Variants in ZCCHC8 observed in about 807,000 individuals in gnomAD.
The protein encoded by ZCCHC8 is zinc finger CCHC domain-containing protein 8.
ZCCHC8 carries 27 observed loss-of-function variants against 70.6 expected under a neutral mutation model. The observed-to-expected ratio is 0.38, with a 90% CI of 0.28 to 0.53. ZCCHC8 has a LOEUF of 0.53. ZCCHC8 is among the 20% of genes least tolerant of loss of function. The probability of loss-of-function intolerance (pLI) is 0.81; values close to 1 mark genes in which losing one functional copy is unlikely to be tolerated. For synonymous variants in ZCCHC8, 293 were observed against 317.4 expected, an observed-to-expected ratio of 0.92 and a Z score of 0.82; for missense variants, 737 against 876.9, an observed-to-expected ratio of 0.84 and a Z score of 2.01.
chr12:122,480,245 G>C lies in ZCCHC8; in HGVS notation c.1085C>G (p.Ser362Ter), dbSNP rs760885960. The C allele has an allele frequency of 1.2e-6, 2 of 1,605,460 alleles. No individual in the cohort carries two copies. The highest frequency in any genetic ancestry group is 8.5e-7 in the Non-Finnish European group (1 of 1,174,952). Reference sequence around the variant, plus strand: ...AAAACCAGGATAGTTGACCAATTTTGAGAGATCGTAAGTGACACTTTTATT... The same window carrying C: ...AAAACCAGGATAGTTGACCAATTTTCAGAGATCGTAAGTGACACTTTTATT... ...QQNKSVTYDL[S>*]KLVNYPGFNI... The change falls in exon 11 of 14, where the codon TCA becomes TGA. Residue 362 changes from serine to a stop codon, truncating the protein, a stop_gained. Coordinates refer to ENST00000633063, the MANE Select transcript of ZCCHC8 (RefSeq NM_017612.5). LOFTEE classifies it high-confidence loss of function.
chr12:122,495,577 C>T (rs1203702774), intron 2 of ZCCHC8, among the ~76,000 whole-genome samples: 8 of 151,878 alleles, frequency 5.3e-5, no homozygotes, highest in African/African-American at 1.9e-4. Context: ...GGCCTGGGCA[C>T]GATGGCTCAT....
At chr12:122,494,350 G>A (rs888393409) in intron 2 of ZCCHC8, among the ~76,000 whole-genome samples, 4 of 151,066 alleles carry the variant, frequency 2.6e-5, no homozygotes, top group Non-Finnish European at 5.9e-5. Flanking sequence ...TCAGGAGTTC[G>A]AGACCAGCCT....
At chr12:122,499,082 T>C (rs1957874861) in intron 1 of ZCCHC8, 3 of 570,426 alleles carry the variant, frequency 5.3e-6, no homozygotes, top group Non-Finnish European at 9.3e-6. Context: ...TTCGAACATA[T>C]ATTCTAAGAC....
In ZCCHC8 at chr12:122,500,769, C is replaced by T. The variant is rs780275678; in HGVS notation, c.72G>A (p.Pro24=). 7 of 1,590,612 alleles carry T rather than the reference C, an allele frequency of 4.4e-6. No homozygotes were observed. Among genetic ancestry groups the T allele is most frequent in the Non-Finnish European group, 6.0e-6 (7 of 1,168,946 alleles). Residue 24 remains proline (P), a synonymous_variant, in exon 1 of 14, where the codon CCG becomes CCA. Transcript: ENST00000633063. The surrounding 1 kb of genome is among the most constrained non-coding windows in gnomAD (Gnocchi z 4.8). ...EPFDHPEESI[P]KPVHTRFKDD... ...CCTTGAAGCGAGTGTGAACGGGCTT[C>T]GGAATCGACTCCTCTGGGTGGTCGA...
chr12:122,485,868 G>A (rs973466748), intron 5 of ZCCHC8, among the ~76,000 whole-genome samples: 5 of 151,810 alleles, frequency 3.3e-5, no homozygotes, highest in Admixed American at 1.3e-4. Flanking sequence ...ACTGGCACTC[G>A]GGCCAAAAAC....
rs1957725353 is a variant in ZCCHC8 at position 122,490,469 on chromosome 12, A to G, written c.416T>C (p.Leu139Ser). 6.2e-7 allele frequency: 1 copy of G among 1,611,628 alleles called. No homozygotes were observed. The highest frequency in any genetic ancestry group is 1.3e-5 in the African/African-American group (1 of 75,008). ...NDVEKTSFNL[L>S]PQPSSIVLEE... ...CTCTTAAATTTGAAATACCTGGGGCAAAAGATTAAAGGAAGTCTTTTCCAC... is the reference window on the plus strand; with the variant it reads ...CTCTTAAATTTGAAATACCTGGGGCGAAAGATTAAAGGAAGTCTTTTCCAC... Residue 139 changes from leucine to serine, a missense_variant, in exon 4 of 14, where the codon TTG becomes TCG. Leu to Ser is a moderately radical substitution (Grantham distance 145). Transcript: ENST00000633063.
chr12:122,479,774 A>G (rs1957494358), intron 11 of ZCCHC8, among the ~76,000 whole-genome samples: 1 of 152,264 alleles, frequency 6.6e-6, no homozygotes, highest in Non-Finnish European at 1.5e-5. Context: ...AGATTCTATA[A>G]AAGAAATTAA....
At chr12:122,477,808 A>AAT in intron 13 of ZCCHC8, 33 bp downstream of exon 13, 1 of 1,425,818 alleles carries the variant, frequency 7.0e-7, no homozygotes, top group Non-Finnish European at 9.8e-7. Flanking sequence ...AAAAAAAAAA[A>AAT]GAGAGAAATC....
chr12:122,500,802 G>A lies in ZCCHC8; in HGVS notation c.39C>T (p.Phe13=), dbSNP rs770371699. 4 of 1,580,760 alleles carry A rather than the reference G, an allele frequency of 2.5e-6. No homozygotes were observed. Among genetic ancestry groups the A allele is most frequent in the Admixed American group, 3.7e-5 (2 of 54,524 alleles). The change falls in exon 1 of 14, where the codon TTC becomes TTT. Residue 13 remains phenylalanine (F), a synonymous_variant. Transcript: ENST00000633063. This position sits in a 1 kb window ranked among gnomAD's most constrained non-coding sequence, Gnocchi z 4.8. The part of the protein sequence containing the change: ...AEVYFGDLEL[F]EPFDHPEESI... The stretch of plus-strand genomic sequence containing the variant: ...ACTCCTCTGGGTGGTCGAACGGCTC[G>A]AAGAGCTCTAGATCGCCAAAATACA...
chr12:122,500,869 G>A lies in ZCCHC8; in HGVS notation c.-29C>T, dbSNP rs769550336. ...GGGCTGTGGAAAAGATTCGAGAAGAGGCGGAGCCGGCCACCAGGGCTTGGG... is the reference window on the plus strand; with the variant it reads ...GGGCTGTGGAAAAGATTCGAGAAGAAGCGGAGCCGGCCACCAGGGCTTGGG... On this transcript the variant is annotated 5_prime_UTR_variant, in exon 1 of 14. Coordinates refer to ENST00000633063, the MANE Select transcript of ZCCHC8 (RefSeq NM_017612.5). This position sits in a 1 kb window ranked among gnomAD's most constrained non-coding sequence, Gnocchi z 4.8. 6.4e-7 allele frequency: 1 copy of A among 1,550,758 alleles called. No individual in the cohort carries two copies. Among genetic ancestry groups the A allele is most frequent in the South Asian group, 1.2e-5 (1 of 84,216 alleles).
chr12:122,492,873 T>A, intron 2 of ZCCHC8, 84 bp from the exon 3 acceptor site: 1 of 949,222 alleles, frequency 1.1e-6, no homozygotes, highest in Non-Finnish European at 1.6e-6. Flanking sequence ...CTTTTATACT[T>A]TTTTTTTCCT....
chr12:122,495,131 TTAAG>T (rs1478532584), intron 2 of ZCCHC8, among the ~76,000 whole-genome samples: 1 of 152,180 alleles, frequency 6.6e-6, no homozygotes, highest in Admixed American at 6.6e-5. Context: ...AAATGTTAAA[TTAAG>T]TGAGGAAAAT....
chr12:122,478,377 G>A (rs1385892977), intron 11 of ZCCHC8, 85 bp from the exon 12 acceptor site: 20 of 886,152 alleles, frequency 2.3e-5, no homozygotes, highest in Non-Finnish European at 5.2e-6. Flanking sequence ...GAGGTACAGT[G>A]GAGATCTCAA....
chr12:122,495,113 A>G (rs1423984697), intron 2 of ZCCHC8, among the ~76,000 whole-genome samples: 2 of 152,370 alleles, frequency 1.3e-5, no homozygotes, highest in East Asian at 1.9e-4. Context: ...CAATATGGCA[A>G]AAATATTAAA....
chr12:122,495,254 C>G (rs1957808756), intron 2 of ZCCHC8, among the ~76,000 whole-genome samples: 1 of 152,276 alleles, frequency 6.6e-6, no homozygotes, highest in South Asian at 2.1e-4. Flanking sequence ...CCTTGGGAGG[C>G]TGAGGATGGC....
intron 8 of ZCCHC8, chr12:122,482,296 G>A (rs372989174): frequency 6.9e-5 from 33 of 475,730 alleles, no homozygotes; most frequent in African/African-American, 6.2e-4. Context: ...ATTAAATCAA[G>A]TTTTTAGGAT....
intron 13 of ZCCHC8, among the ~76,000 whole-genome samples, chr12:122,475,483 G>A (rs1161593922): frequency 6.6e-6 from 1 of 152,164 alleles, no homozygotes; most frequent in Admixed American, 6.6e-5. Context: ...AATGAGGACT[G>A]TTTTCCCATC....
intron 2 of ZCCHC8, among the ~76,000 whole-genome samples, chr12:122,493,195 T>C (rs1325496250): frequency 2.0e-5 from 3 of 152,132 alleles, no homozygotes; most frequent in Admixed American, 1.3e-4. Context: ...AAAAATCATA[T>C]AGCATTTTCC....
At chr12:122,492,671 C>A in intron 3 of ZCCHC8, 44 bp downstream of exon 3, 2 of 1,250,294 alleles carry the variant, frequency 1.6e-6, no homozygotes, top group South Asian at 1.4e-5. Flanking sequence ...AAAATTGTTC[C>A]ATAAACACAT....
Sources: gnomAD v4.1 joint callset for allele counts (sites outside exome capture counted in the v4.1 genomes callset) on GRCh38, gnomAD v4.1.1 for gene constraint, Gnocchi (gnomAD v3.1) non-coding constraint, MANE v1.5 for transcripts, NCBI Gene and HGNC (gene_info 2026-07-23, HGNC 2026-07-21) for gene names.